The following ADAMTSL3 variants were observed in gnomAD, a reference collection of about 807,000 sequenced individuals.
The protein encoded by ADAMTSL3 is ADAMTS like 3, also known as ADAMTS-like protein 3.
A neutral mutation model predicts 201.7 loss-of-function variants in ADAMTSL3; 128 were observed. The ratio of observed to expected loss-of-function variants is 0.63; its 90% CI spans 0.55 to 0.73. The LOEUF is 0.73. ADAMTSL3 is among the 30% of genes least tolerant of loss of function. The pLI is 0.00. For missense variants in ADAMTSL3, 1,990 were observed against 2,119.6 expected, an observed-to-expected ratio of 0.94 and a Z score of 1.20; for synonymous variants, 738 against 748.4, an observed-to-expected ratio of 0.99 and a Z score of 0.23.
intron 6 of ADAMTSL3, among the ~76,000 whole-genome samples, chr15:83,829,232 A>C (rs1036827131): frequency 6.6e-6 from 1 of 152,154 alleles, no homozygotes; most frequent in African/African-American, 2.4e-5. Flanking sequence ...CAGAGATTCA[A>C]CTTCTTCCTG....
intron 17 of ADAMTSL3, among the ~76,000 whole-genome samples, chr15:83,935,650 A>G (rs1393647918): frequency 6.6e-6 from 1 of 152,158 alleles, no homozygotes; most frequent in Non-Finnish European, 1.5e-5. Context: ...CAGGAAAGGA[A>G]CAATAACAAA....
chr15:84,016,422 G>T lies in ADAMTSL3; in HGVS notation c.4196G>T (p.Gly1399Val). The change falls in exon 25 of 30, where the codon GGA becomes GTA. Residue 1399 changes from glycine to valine, a missense_variant. Coordinates refer to ENST00000286744, the MANE Select transcript of ADAMTSL3 (RefSeq NM_207517.3). ...WPESRIVFLQ[G>V]HKKYILQATN... is the part of the protein sequence containing the mutation. ...GAGAGTAGAATCGTATTTCTGCAAG[G>T]ACATAAAAAGTACATTCTCCAGGCA... 6.2e-7 allele frequency: 1 copy of T among 1,613,868 alleles called. No individual in the cohort carries two copies. The highest frequency in any genetic ancestry group is 8.5e-7 in the Non-Finnish European group (1 of 1,179,924).
chr15:83,828,728 T>C (rs2064082761), intron 6 of ADAMTSL3, among the ~76,000 whole-genome samples: 1 of 152,240 alleles, frequency 6.6e-6, no homozygotes, highest in Non-Finnish European at 1.5e-5. Context: ...TGAGAGTTTT[T>C]AGCATGAAGG....
chr15:83,686,012 CT>C (rs2141438851), intron 2 of ADAMTSL3, among the ~76,000 whole-genome samples: 1 of 39,554 alleles, frequency 2.5e-5, no homozygotes, highest in African/African-American at 2.7e-4. Context: ...GTCCTCCCTC[CT>C]CCTTCTCCTG....
chr15:83,779,464 C>T (rs573165685), intron 4 of ADAMTSL3, among the ~76,000 whole-genome samples: 11 of 151,936 alleles, frequency 7.2e-5, no homozygotes, highest in African/African-American at 1.4e-4. Context: ...TTTGGGAGGC[C>T]GAGGTGGGAG....
chr15:83,893,639 C>G (rs1027411994), intron 13 of ADAMTSL3, among the ~76,000 whole-genome samples: 5 of 152,034 alleles, frequency 3.3e-5, no homozygotes, highest in African/African-American at 1.2e-4. Context: ...GGCGGGCAGC[C>G]TATTTAGAAA....
At chr15:83,859,601 C>T (rs1029901478) in intron 8 of ADAMTSL3, among the ~76,000 whole-genome samples, 1 of 152,140 alleles carries the variant, frequency 6.6e-6, no homozygotes, top group Admixed American at 6.5e-5. Context: ...TGTGAAGTTG[C>T]TCATTACTTC....
At chr15:83,981,828 G>A (rs1392076482) in intron 20 of ADAMTSL3, among the ~76,000 whole-genome samples, 1 of 152,200 alleles carries the variant, frequency 6.6e-6, no homozygotes, top group African/African-American at 2.4e-5. Context: ...AAGCCAGAGG[G>A]CCTCTCTGCC....
At chr15:83,696,237 T>C (rs1325162470) in intron 2 of ADAMTSL3, among the ~76,000 whole-genome samples, 1 of 152,194 alleles carries the variant, frequency 6.6e-6, no homozygotes, top group African/African-American at 2.4e-5. Flanking sequence ...TCCTGGCCGA[T>C]CTTGGTTTGT....
At chr15:83,772,616 G>A (rs908825026) in intron 3 of ADAMTSL3, among the ~76,000 whole-genome samples, 2 of 152,078 alleles carry the variant, frequency 1.3e-5, no homozygotes, top group Non-Finnish European at 1.5e-5. Flanking sequence ...TCTCTCAGGA[G>A]GTTCCACAAA....
intron 3 of ADAMTSL3, among the ~76,000 whole-genome samples, chr15:83,716,608 T>TTG (rs142230336): frequency 0.33 from 50,165 of 150,656 alleles, 8,808 homozygotes; most frequent in South Asian, 0.62. Context: ...CTTTATTTCT[T>TTG]TGTGTGTGTG....
chr15:83,788,108 C>CT (rs916321200), intron 4 of ADAMTSL3, among the ~76,000 whole-genome samples: 1 of 152,018 alleles, frequency 6.6e-6, no homozygotes, highest in Admixed American at 6.6e-5. Flanking sequence ...AATTACCTTG[C>CT]TTTTTTATTT....
chr15:83,852,501 G>T (rs1360385303), intron 7 of ADAMTSL3, among the ~76,000 whole-genome samples: 1 of 152,180 alleles, frequency 6.6e-6, no homozygotes. Context: ...TTTTCTCTCA[G>T]TGTTACAACA....
At chr15:83,931,534 A>G (rs538296367) in intron 17 of ADAMTSL3, among the ~76,000 whole-genome samples, 2 of 152,234 alleles carry the variant, frequency 1.3e-5, no homozygotes, top group Non-Finnish European at 2.9e-5. Flanking sequence ...AATATGACCC[A>G]TGTATCTACT....
At chr15:83,797,526 A>G (rs1425785096) in intron 4 of ADAMTSL3, among the ~76,000 whole-genome samples, 1 of 152,136 alleles carries the variant, frequency 6.6e-6, no homozygotes, top group African/African-American at 2.4e-5. Flanking sequence ...GCTTGAGCCC[A>G]GGAGGCGGAG....
chr15:83,792,017 A>G (rs530856953), intron 4 of ADAMTSL3, among the ~76,000 whole-genome samples: 1 of 152,308 alleles, frequency 6.6e-6, no homozygotes, highest in African/African-American at 2.4e-5. Context: ...ATATGGACAA[A>G]TGGGATTACA....
At chr15:83,830,141 T>C (rs1482123321) in intron 6 of ADAMTSL3, among the ~76,000 whole-genome samples, 2 of 152,096 alleles carry the variant, frequency 1.3e-5, no homozygotes, top group African/African-American at 4.8e-5. Context: ...AGACAAAATA[T>C]TGGGTGAGAA....
At chr15:83,776,446 A>G (rs910320296) in intron 4 of ADAMTSL3, among the ~76,000 whole-genome samples, 3 of 152,214 alleles carry the variant, frequency 2.0e-5, no homozygotes, top group African/African-American at 7.2e-5. Flanking sequence ...GGCCAGGCAC[A>G]GTGGCTCACG....
intron 3 of ADAMTSL3, among the ~76,000 whole-genome samples, chr15:83,773,154 A>C (rs1472730895): frequency 6.6e-6 from 1 of 152,158 alleles, no homozygotes; most frequent in African/African-American, 2.4e-5. Context: ...AGAGCTTAGA[A>C]GATGACTCTG....
Sources: gnomAD v4.1 joint callset for allele counts (sites outside exome capture counted in the v4.1 genomes callset) on GRCh38, gnomAD v4.1.1 for gene constraint, MANE v1.5 for transcripts, NCBI Gene and HGNC (gene_info 2026-07-23, HGNC 2026-07-21) for gene names.